Variants in BICC1 observed in about 807,000 individuals in gnomAD.
BICC1 encodes the protein BicC family RNA binding protein 1, also known as protein bicaudal C homolog 1.
Under a neutral mutation model 111.0 loss-of-function variants are expected in BICC1, and 43 were observed. The ratio of observed to expected loss-of-function variants is 0.39; its 90% CI spans 0.30 to 0.50. The LOEUF (loss-of-function observed/expected upper bound fraction) is 0.50. Ranked by LOEUF, BICC1 falls within the 20% of genes least tolerant of loss-of-function variation. BICC1 has a pLI of 0.88. For synonymous variants in BICC1, 467 were observed against 434.4 expected (o/e 1.07, Z -0.93); for missense variants, 1,091 against 1,203.2 (o/e 0.91, Z 1.38).
chr10:58,735,313 C>G (rs1841434016), intron 3 of BICC1, among the ~76,000 whole-genome samples: 1 of 152,104 alleles, frequency 6.6e-6, no homozygotes, highest in African/African-American at 2.4e-5. Context: ...GGAAATATTC[C>G]CCCGTCTCAT....
At chr10:58,821,962 C>T (rs1338161339) in intron 20 of BICC1, among the ~76,000 whole-genome samples, 2 of 152,036 alleles carry the variant, frequency 1.3e-5, no homozygotes, top group East Asian at 1.9e-4. Flanking sequence ...ATGGACAAAA[C>T]GATAGTTTTA....
At chr10:58,794,249 A>C (rs904046051) in intron 9 of BICC1, among the ~76,000 whole-genome samples, 1 of 148,666 alleles carries the variant, frequency 6.7e-6, no homozygotes, top group Non-Finnish European at 1.5e-5. Context: ...TAGACTACTT[A>C]CTATATGCCA....
At chr10:58,590,287 C>T (rs920831894) in intron 1 of BICC1, among the ~76,000 whole-genome samples, 1 of 152,124 alleles carries the variant, frequency 6.6e-6, no homozygotes, top group African/African-American at 2.4e-5. Context: ...CGCAGTCTGG[C>T]CTTGACTGGA....
intron 20 of BICC1, among the ~76,000 whole-genome samples, 198 bp from the exon 21 acceptor site, chr10:58,828,563 A>G (rs1844464934): frequency 6.6e-6 from 1 of 152,204 alleles, no homozygotes; most frequent in African/African-American, 2.4e-5. Flanking sequence ...TAGACTATCA[A>G]TATGCTATCT....
intron 3 of BICC1, among the ~76,000 whole-genome samples, chr10:58,730,774 C>G (rs1189660420): frequency 6.6e-6 from 1 of 152,072 alleles, no homozygotes; most frequent in Non-Finnish European, 1.5e-5. Context: ...TACCTTTGCT[C>G]TTTTGAGTCA....
At chr10:58,564,106 T>A (rs1843687062) in intron 1 of BICC1, among the ~76,000 whole-genome samples, 1 of 152,356 alleles carries the variant, frequency 6.6e-6, no homozygotes, top group South Asian at 2.1e-4. Flanking sequence ...ACTTTATATT[T>A]TTGTTATAAA....
chr10:58,662,343 C>T (rs1838870154), intron 2 of BICC1, among the ~76,000 whole-genome samples: 1 of 151,998 alleles, frequency 6.6e-6, no homozygotes, highest in Non-Finnish European at 1.5e-5. Context: ...TTTTAAATGC[C>T]CAAATGAAAT....
chr10:58,635,580 A>T (rs1196199679), intron 2 of BICC1, among the ~76,000 whole-genome samples: 2 of 152,218 alleles, frequency 1.3e-5, no homozygotes, highest in African/African-American at 4.8e-5. Context: ...CTAAAAGACA[A>T]CTGTTACCTT....
chr10:58,526,954 T>G (rs906729256), intron 1 of BICC1, among the ~76,000 whole-genome samples: 3 of 152,232 alleles, frequency 2.0e-5, no homozygotes, highest in African/African-American at 7.2e-5. Context: ...GTAATGGGAT[T>G]GCTGGGTCAA....
chr10:58,634,027 T>C (rs1459891144), intron 2 of BICC1, among the ~76,000 whole-genome samples: 3 of 146,036 alleles, frequency 2.1e-5, no homozygotes, highest in African/African-American at 7.6e-5. Context: ...GGAGTTTTGC[T>C]CTCGTTGCCC....
intron 1 of BICC1, among the ~76,000 whole-genome samples, chr10:58,521,161 C>T (rs1842376970): frequency 6.6e-6 from 1 of 152,088 alleles, no homozygotes; most frequent in Non-Finnish European, 1.5e-5. Flanking sequence ...TTTTAGGTGG[C>T]TAGACAGTGG....
intron 1 of BICC1, among the ~76,000 whole-genome samples, chr10:58,600,494 G>T (rs949409481): frequency 6.6e-6 from 1 of 152,060 alleles, no homozygotes; most frequent in Non-Finnish European, 1.5e-5. Flanking sequence ...GTGCTGTTTT[G>T]TACATTCATT....
intron 2 of BICC1, among the ~76,000 whole-genome samples, chr10:58,625,015 T>C (rs1451903219): frequency 2.0e-5 from 3 of 152,232 alleles, no homozygotes; most frequent in African/African-American, 7.2e-5. Context: ...GATTAAACTA[T>C]GTATTTGCAT....
chr10:58,650,089 C>G (rs1351174716), intron 2 of BICC1: 1 of 152,134 alleles, frequency 6.6e-6, no homozygotes, highest in Non-Finnish European at 1.5e-5. Flanking sequence ...CTTGTTTTCT[C>G]TTACATTAAC....
chr10:58,679,652 T>C (rs1054523247), intron 2 of BICC1, among the ~76,000 whole-genome samples: 6 of 151,812 alleles, frequency 4.0e-5, no homozygotes, highest in African/African-American at 1.5e-4. Flanking sequence ...TTCCAAACAA[T>C]GGAAAAAGAG....
intron 3 of BICC1, chr10:58,715,822 A>T (rs1840721865): frequency 7.7e-7 from 1 of 1,303,670 alleles, no homozygotes; most frequent in African/African-American, 1.5e-5. Flanking sequence ...TCATCCAAAA[A>T]AAAGACAGAG....
chr10:58,762,691 C>T (rs1842349189), intron 3 of BICC1, among the ~76,000 whole-genome samples: 1 of 152,070 alleles, frequency 6.6e-6, no homozygotes, highest in Admixed American at 6.5e-5. Context: ...GTGTACATGA[C>T]ATTAAGCTTC....
chr10:58,554,324 T>C (rs1273054762), intron 1 of BICC1, among the ~76,000 whole-genome samples: 1 of 152,202 alleles, frequency 6.6e-6, no homozygotes, highest in Non-Finnish European at 1.5e-5. Flanking sequence ...ACTTAGTCTC[T>C]GAACTTTAAA....
intron 1 of BICC1, among the ~76,000 whole-genome samples, chr10:58,598,857 C>T (rs1359899960): frequency 6.6e-6 from 1 of 152,160 alleles, no homozygotes; most frequent in Non-Finnish European, 1.5e-5. Context: ...TGAACAGACA[C>T]TTCTCAAAAT....
Sources: gnomAD v4.1 joint callset for allele counts (sites outside exome capture counted in the v4.1 genomes callset) on GRCh38, gnomAD v4.1.1 for gene constraint, MANE v1.5 for transcripts, NCBI Gene and HGNC (gene_info 2026-07-23, HGNC 2026-07-21) for gene names.